The following DNAH17 variants were observed in gnomAD, a reference collection of about 807,000 sequenced individuals.
DNAH17 encodes the protein axonemal beta dynein heavy chain 17.
In DNAH17, 376 loss-of-function variants were observed where a neutral mutation model predicts 485.6. The ratio of observed to expected loss-of-function variants is 0.77; its 90% CI spans 0.71 to 0.84. The LOEUF (loss-of-function observed/expected upper bound fraction) is 0.84, where lower values mean the gene tolerates loss of function less well. Among genes scored for constraint, DNAH17 ranks in the 40% least tolerant of loss-of-function variants. The probability of loss-of-function intolerance (pLI) is 0.00; values close to 1 mark genes in which losing one functional copy is unlikely to be tolerated. For missense variants in DNAH17, 6,370 were observed against 5,839.3 expected (o/e 1.09, Z -2.96); for synonymous variants, 3,031 against 2,405.9 (o/e 1.26, Z -7.60).
In DNAH17 at chr17:78,505,317, A is replaced by T. The variant is rs2090452552; in HGVS notation, c.4932T>A (p.Asp1644Glu). 1 of 1,613,782 alleles carries T rather than the reference A, an allele frequency of 6.2e-7. No individual in the cohort carries two copies. Among genetic ancestry groups the T allele is most frequent in the Non-Finnish European group, 8.5e-7 (1 of 1,179,840 alleles). ...YSKEDEYMVFDQECDLSGQVE... is the reference protein window; with the variant it reads ...YSKEDEYMVFEQECDLSGQVE... ...CCTGCCCCGAGAGGTCGCATTCCTG[A>T]TCAAAAACCATGTACTCGTCCTCCT... Residue 1644 changes from aspartate (D) to glutamate (E), a missense_variant, in exon 31 of 81, where the codon GAT becomes GAA. Transcript: ENST00000389840.
intron 42 of DNAH17, 136 bp downstream of exon 42, chr17:78,492,497 C>T: frequency 1.6e-6 from 2 of 1,239,936 alleles, no homozygotes; most frequent in Non-Finnish European, 2.2e-6. Flanking sequence ...CATGGTGCCA[C>T]CATTGCAGGC....
rs1437788904 is a variant in DNAH17, at chr17:78,491,442, C to T, written c.6669+1G>A. ...GGGCTTAGAGTCCAGGGCCCGCGAA[C>T]CTTGTTGTCATCCATGACTGTGTTG... On this transcript the variant is annotated splice_donor_variant, in intron 43 of 80. Coordinates refer to ENST00000389840, the MANE Select transcript of DNAH17 (RefSeq NM_173628.4). LOFTEE classifies it high-confidence loss of function. The T allele has an allele frequency of 6.2e-7, 1 of 1,612,690 alleles. No homozygotes were observed. The highest frequency in any genetic ancestry group is 8.5e-7 in the Non-Finnish European group (1 of 1,179,426).
At chr17:78,451,936 C>A (rs2087571974) in intron 65 of DNAH17, among the ~76,000 whole-genome samples, 1 of 152,062 alleles carries the variant, frequency 6.6e-6, no homozygotes, top group Non-Finnish European at 1.5e-5. Flanking sequence ...TCTGGCGATA[C>A]TCTGTCCTCC....
Position 78,491,538 on chromosome 17 carries a change from T to C in DNAH17, c.6574A>G (p.Asn2192Asp). 6.2e-7 allele frequency: 1 copy of C among 1,614,044 alleles called. No individual in the cohort carries two copies. Among genetic ancestry groups the C allele is most frequent in the African/African-American group, 1.3e-5 (1 of 75,056 alleles). The change falls in exon 43 of 81, where the codon AAC (asparagine) becomes GAC (aspartate). Residue 2192 changes from asparagine (N) to aspartate (D), a missense_variant. Physicochemically the swap from Asn to Asp is conservative, Grantham distance 23. Coordinates refer to ENST00000389840, the MANE Select transcript of DNAH17 (RefSeq NM_173628.4). ...CACTTGGGGCCGTCATGGGTGATGT[T>C]GGCCAGGTCTCGCATGATGGTGGAG... Reference protein sequence around the residue: ...LFSTIMRDLANITHDGPKWII... With the variant: ...LFSTIMRDLADITHDGPKWII...
chr17:78,491,434 C>A lies in DNAH17; in HGVS notation c.6669+9G>T, dbSNP rs747945207. On this transcript the variant is annotated intron_variant, in intron 43 of 80. Transcript: ENST00000389840. ...TGGCCTTGGGGCTTAGAGTCCAGGG[C>A]CCGCGAACCTTGTTGTCATCCATGA... The A allele has an allele frequency of 6.2e-7, 1 of 1,611,468 alleles. No individual in the cohort carries two copies. The highest frequency in any genetic ancestry group is 1.7e-5 in the Admixed American group (1 of 59,698).
rs746806961 is a variant in DNAH17, at chr17:78,561,162, C to T, written c.1836-227G>A. ...GCCCAGGAGGCCAAAATAGAACCCA[C>T]GCAGCAACTGGCTCCCGACCGCCAG... On this transcript the variant is annotated intron_variant, in intron 12 of 80. Transcript: ENST00000389840. 5.9e-5 allele frequency among the ~76,000 whole-genome samples: 9 copies of T among 152,232 alleles called. No individual in the cohort carries two copies. In the East Asian group the frequency reaches 7.7e-4, roughly 13 times the overall value.
Position 78,558,167 on chromosome 17 carries a change from T to A in DNAH17, c.2119A>T (p.Asn707Tyr). The change falls in exon 14 of 81, where the codon AAC (asparagine) becomes TAC (tyrosine). Residue 707 changes from asparagine (N) to tyrosine (Y), a missense_variant. Physicochemically the swap from Asn to Tyr is moderately radical, Grantham distance 143. Coordinates refer to ENST00000389840, the MANE Select transcript of DNAH17 (RefSeq NM_173628.4). ...PDSAESLFSE[N>Y]ETFRKFVGNL... is the part of the protein sequence containing the mutation. The stretch of plus-strand genomic sequence containing the variant: ...CCCACAAACTTCCGGAAAGTTTCGT[T>A]CTCTGAGAACAGACTCTCCGCACTG... 1 of 1,613,882 alleles carries A rather than the reference T, an allele frequency of 6.2e-7. No homozygotes were observed. Among genetic ancestry groups the A allele is most frequent in the South Asian group, 1.1e-5 (1 of 91,020 alleles).
intron 74 of DNAH17, among the ~76,000 whole-genome samples, chr17:78,436,323 G>C (rs2086849617): frequency 6.6e-6 from 1 of 152,162 alleles, no homozygotes; most frequent in African/African-American, 2.4e-5. Context: ...AGCTACTTGG[G>C]AGCCTGAGGC....
chr17:78,488,415 C>T (rs1182127970), intron 44 of DNAH17, among the ~76,000 whole-genome samples: 1 of 152,216 alleles, frequency 6.6e-6, no homozygotes, highest in Non-Finnish European at 1.5e-5. Context: ...CTGCTTCCTC[C>T]AGGTCACTCC....
At chr17:78,533,734 G>C (rs1304081820) in intron 19 of DNAH17, among the ~76,000 whole-genome samples, 2 of 152,226 alleles carry the variant, frequency 1.3e-5, no homozygotes, top group East Asian at 3.9e-4. Context: ...ACCCAGGCCG[G>C]AGTGCAGTGG....
intron 47 of DNAH17, 58 bp downstream of exon 47, chr17:78,485,492 G>C: frequency 6.6e-7 from 1 of 1,504,094 alleles, no homozygotes. Flanking sequence ...GGGACAGGAG[G>C]GAACGGGGAC....
chr17:78,550,913 C>T (rs183562367), intron 16 of DNAH17, among the ~76,000 whole-genome samples: 8 of 152,252 alleles, frequency 5.3e-5, no homozygotes, highest in Admixed American at 2.6e-4. Flanking sequence ...AGAAATTATT[C>T]CCGTCAATTG....
chr17:78,472,039 G>A (rs550633760), intron 54 of DNAH17, among the ~76,000 whole-genome samples: 1 of 152,244 alleles, frequency 6.6e-6, no homozygotes, highest in South Asian at 2.1e-4. Flanking sequence ...TATCATCACT[G>A]TCAGCCAAGG....
In DNAH17 at chr17:78,468,622, G is replaced by C; in HGVS notation, c.8773C>G (p.Leu2925Val). 1.2e-6 allele frequency: 2 copies of C among 1,612,344 alleles called. No homozygotes were observed. Among genetic ancestry groups the C allele is most frequent in the Non-Finnish European group, 1.7e-6 (2 of 1,178,944 alleles). ...GCCGAAGACGGGAGCCCCACCTTGA[G>C]CTGTCTGCGCACTTTTTCGATGAAG... is the stretch of plus-strand genomic sequence containing the variant. ...KFFIEKVRRQLKVILCFSPVG... is the reference protein window; with the variant it reads ...KFFIEKVRRQVKVILCFSPVG... The change falls in exon 55 of 81, where the codon CTC becomes GTC. Residue 2925 changes from leucine to valine, a missense_variant. Coordinates refer to ENST00000389840, the MANE Select transcript of DNAH17 (RefSeq NM_173628.4).
At position 78,494,232 on chromosome 17, in the gene DNAH17, T is replaced by G. The variant is rs555157322; in HGVS notation, c.6271-59A>C. On this transcript the variant is annotated intron_variant, in intron 40 of 80. Coordinates refer to ENST00000389840, the MANE Select transcript of DNAH17 (RefSeq NM_173628.4). Reference sequence around the variant, plus strand: ...TGAAGCAGCTTTTCTTTCTTCTCGCTGGGAGGCTGGGGGGCTTCCTGCCCC... The same window carrying G: ...TGAAGCAGCTTTTCTTTCTTCTCGCGGGGAGGCTGGGGGGCTTCCTGCCCC... 459 of 1,569,688 alleles carry G rather than the reference T, an allele frequency of 2.9e-4. 1 individual carries two copies. The highest frequency in any genetic ancestry group is 1.2e-3 in the Admixed American group (70 of 57,714).
chr17:78,546,947 G>T (rs143468938), intron 16 of DNAH17, among the ~76,000 whole-genome samples: 1 of 151,728 alleles, frequency 6.6e-6, no homozygotes, highest in Non-Finnish European at 1.5e-5. Flanking sequence ...CATTATCCAC[G>T]TTTAGGAATT....
At position 78,450,764 on chromosome 17, in the gene DNAH17, G is replaced by A. The variant is rs560286800; in HGVS notation, c.10817C>T (p.Ala3606Val). Residue 3606 changes from alanine (A) to valine (V), a missense_variant, in exon 67 of 81, where the codon GCG (alanine) becomes GTG (valine). Transcript: ENST00000389840. ...CGTGTCTCCCAGAAAGTTCCCCGAC[G>A]CAGCCGACAGACGGGCCAGGAGCGA... ...EDSLLARLSA[A>V]SGNFLGDTAL... 1.5e-5 allele frequency: 25 copies of A among 1,614,064 alleles called. No individual in the cohort carries two copies. Among genetic ancestry groups the A allele is most frequent in the African/African-American group, 2.7e-5 (2 of 75,066 alleles).
intron 27 of DNAH17, among the ~76,000 whole-genome samples, chr17:78,509,482 C>T (rs987003811): frequency 2.0e-5 from 3 of 152,020 alleles, no homozygotes; most frequent in African/African-American, 7.3e-5. Flanking sequence ...TTTAAACAGG[C>T]GAACTGTATG....
intron 2 of DNAH17, 121 bp downstream of exon 2, chr17:78,574,592 C>T (rs1268058408): frequency 4.8e-6 from 4 of 842,060 alleles, no homozygotes; most frequent in Middle Eastern, 3.7e-4. Context: ...CATTTCCAAT[C>T]CCTCCCCGGC....
Sources: gnomAD v4.1 joint callset for allele counts (sites outside exome capture counted in the v4.1 genomes callset) on GRCh38, gnomAD v4.1.1 for gene constraint, MANE v1.5 for transcripts, NCBI Gene and HGNC (gene_info 2026-07-23, HGNC 2026-07-21) for gene names.